The following KAT14 variants were observed in gnomAD, a reference collection of about 807,000 sequenced individuals.
KAT14 encodes the protein lysine acetyltransferase 14, also known as cysteine-rich protein 2-binding protein.
Under a neutral mutation model 78.4 loss-of-function variants are expected in KAT14, and 66 were observed. The ratio of observed to expected loss-of-function variants is 0.84; its 90% CI spans 0.69 to 1.03. The LOEUF (loss-of-function observed/expected upper bound fraction) is 1.03, where lower values mean the gene tolerates loss of function less well. Ranked by LOEUF, KAT14 falls within the 50% of genes least tolerant of loss-of-function variation. The pLI is 0.00. For synonymous variants in KAT14, 344 were observed against 359.4 expected, an observed-to-expected ratio of 0.96 and a Z score of 0.48; for missense variants, 870 against 972.5, an observed-to-expected ratio of 0.89 and a Z score of 1.40.
chr20:18,173,322 C>G (rs927522309), intron 7 of KAT14, among the ~76,000 whole-genome samples: 2 of 152,240 alleles, frequency 1.3e-5, no homozygotes, highest in East Asian at 3.8e-4. Flanking sequence ...CTGGTTCCCA[C>G]AGAGGCTCTG....
chr20:18,140,675 G>T, intron 1 of KAT14, among the ~76,000 whole-genome samples: 1 of 151,786 alleles, frequency 6.6e-6, no homozygotes. Context: ...AGCCAGGCCT[G>T]GTGGCGCACG....
At chr20:18,140,767 G>A (rs956456148) in intron 1 of KAT14, among the ~76,000 whole-genome samples, 3 of 143,832 alleles carry the variant, frequency 2.1e-5, no homozygotes, top group Non-Finnish European at 3.0e-5. Context: ...AGCTAAGATC[G>A]TGCCATGGAG....
At chr20:18,181,907 C>G in intron 8 of KAT14, 61 bp downstream of exon 8, 3 of 1,597,950 alleles carry the variant, frequency 1.9e-6, no homozygotes, top group Non-Finnish European at 2.6e-6. Flanking sequence ...ATTGTGGTTT[C>G]TGTGCCCTGT....
intron 10 of KAT14, among the ~76,000 whole-genome samples, chr20:18,186,045 G>A (rs2039437813): frequency 1.3e-5 from 2 of 152,170 alleles, no homozygotes; most frequent in Non-Finnish European, 2.9e-5. Context: ...ACCTAGGAGA[G>A]CACTTAGAGG....
In KAT14 at chr20:18,187,483, C is replaced by T. The variant is rs774073904; in HGVS notation, c.*24C>T. 31 of 1,612,894 alleles carry T rather than the reference C, an allele frequency of 1.9e-5. No individual in the cohort carries two copies. Among genetic ancestry groups the T allele is most frequent in the African/African-American group, 2.7e-5 (2 of 74,868 alleles). ...GATGCGAATACAGCTCACAGAGAAA[C>T]GCATGTGCTATTGGAGAACAGGTCT... On this transcript the variant is annotated 3_prime_UTR_variant, in exon 11 of 11. Coordinates refer to ENST00000688188, the MANE Select transcript of KAT14 (RefSeq NM_001392073.1).
At chr20:18,179,987 G>T (rs1915637609) in intron 7 of KAT14, among the ~76,000 whole-genome samples, 3 of 152,038 alleles carry the variant, frequency 2.0e-5, no homozygotes, top group Admixed American at 6.6e-5. Flanking sequence ...TCCTGCCTCA[G>T]CCTCCCAAGT....
chr20:18,187,231 C>T, intron 10 of KAT14, 55 bp from the exon 11 acceptor site: 8 of 1,537,730 alleles, frequency 5.2e-6, no homozygotes, highest in Non-Finnish European at 7.0e-6. Flanking sequence ...TTTACCTACT[C>T]ATTTTCCCTC....
chr20:18,185,222 A>G (rs1343139661), intron 10 of KAT14, among the ~76,000 whole-genome samples: 1 of 152,126 alleles, frequency 6.6e-6, no homozygotes, highest in African/African-American at 2.4e-5. Context: ...AAGAATATGT[A>G]TATATTTTTT....
At chr20:18,181,364 CTTTTT>C (rs762890490) in intron 7 of KAT14, among the ~76,000 whole-genome samples, 47 of 106,802 alleles carry the variant, frequency 4.4e-4, no homozygotes, top group Middle Eastern at 7.7e-3. Context: ...AATTTTGTTT[CTTTTT>C]TTTTTTTTTT....
chr20:18,171,603 G>GGCCT (rs1226470317), intron 7 of KAT14, among the ~76,000 whole-genome samples: 12 of 152,206 alleles, frequency 7.9e-5, no homozygotes, highest in African/African-American at 2.9e-4. Context: ...CGTGAGGTCA[G>GGCCT]GAGTTTGAGA....
At chr20:18,143,997 G>A (rs188555961) in intron 2 of KAT14, among the ~76,000 whole-genome samples, 180 of 152,314 alleles carry the variant, frequency 1.2e-3, no homozygotes, top group Non-Finnish European at 1.9e-3. Context: ...GCCATCATAT[G>A]GTTTATACCG....
At chr20:18,152,445 C>T (rs1340797503) in intron 4 of KAT14, among the ~76,000 whole-genome samples, 4 of 152,060 alleles carry the variant, frequency 2.6e-5, no homozygotes, top group Admixed American at 2.0e-4. Flanking sequence ...GGCTTGGTGG[C>T]GGGTGCCCGT....
chr20:18,152,177 G>A (rs2038073335), intron 4 of KAT14, among the ~76,000 whole-genome samples: 1 of 152,008 alleles, frequency 6.6e-6, no homozygotes, highest in Non-Finnish European at 1.5e-5. Flanking sequence ...GTGTGGTGGG[G>A]CATGCCTGTT....
At chr20:18,178,215 T>C (rs1306198740) in intron 7 of KAT14, among the ~76,000 whole-genome samples, 1 of 152,042 alleles carries the variant, frequency 6.6e-6, no homozygotes, top group Non-Finnish European at 1.5e-5. Context: ...GACAATGCAG[T>C]AGACAAAAAA....
At chr20:18,148,353 G>C (rs2037901564) in intron 3 of KAT14, among the ~76,000 whole-genome samples, 1 of 152,164 alleles carries the variant, frequency 6.6e-6, no homozygotes, top group Non-Finnish European at 1.5e-5. Context: ...CCATACGTAG[G>C]AGAAACTTTA....
chr20:18,150,809 A>G lies in KAT14; in HGVS notation c.379-12A>G, dbSNP rs776357699. 5.0e-6 allele frequency: 8 copies of G among 1,613,918 alleles called. No individual in the cohort carries two copies. Among genetic ancestry groups the G allele is most frequent in the Non-Finnish European group, 6.8e-6 (8 of 1,179,960 alleles). Reference sequence around the variant, plus strand: ...TGCTGTTCTCCCACCTCTTGTTTCAATTGTGTTTCAGGTCGTCATGTTGGC... The same window carrying G: ...TGCTGTTCTCCCACCTCTTGTTTCAGTTGTGTTTCAGGTCGTCATGTTGGC... On this transcript the variant is annotated splice_polypyrimidine_tract_variant and intron_variant, in intron 3 of 10. Transcript: ENST00000688188.
intron 5 of KAT14, among the ~76,000 whole-genome samples, chr20:18,159,928 A>G (rs1289036610): frequency 6.6e-5 from 10 of 152,064 alleles, no homozygotes. Flanking sequence ...TTGTTTATTT[A>G]TTTGAGGTAC....
rs137934082 is a variant in KAT14, at chr20:18,160,641, C to T, written c.683-1182C>T. On this transcript the variant is annotated intron_variant, in intron 5 of 10. Transcript: ENST00000688188. ...TTTTAAAAAGTAATAGAGATAGGGT[C>T]TCGCCATGTTTCCTGGGCTGGTCTT... Among the ~76,000 whole-genome samples, 429 of 152,112 alleles carry T rather than the reference C, an allele frequency of 2.8e-3. 1 individual carries two copies. Among genetic ancestry groups the T allele is most frequent in the Admixed American group, 7.5e-3 (115 of 15,278 alleles).
chr20:18,187,471 C>G lies in KAT14; in HGVS notation c.*12C>G, dbSNP rs780253318. The G allele has an allele frequency of 6.2e-7, 1 of 1,613,636 alleles. No individual in the cohort carries two copies. Among genetic ancestry groups the G allele is most frequent in the Non-Finnish European group, 8.5e-7 (1 of 1,179,874 alleles). On this transcript the variant is annotated 3_prime_UTR_variant, in exon 11 of 11. Transcript: ENST00000688188. ...GGCTCCGGCGCTGATGCGAATACAG[C>G]TCACAGAGAAACGCATGTGCTATTG...
Sources: gnomAD v4.1 joint callset for allele counts (sites outside exome capture counted in the v4.1 genomes callset) on GRCh38, gnomAD v4.1.1 for gene constraint, MANE v1.5 for transcripts, NCBI Gene and HGNC (gene_info 2026-07-23, HGNC 2026-07-21) for gene names.